Variants in MAML2 observed in about 807,000 individuals in gnomAD.
MAML2 encodes mastermind like transcriptional coactivator 2, also known as mastermind-like protein 2.
Under a neutral mutation model 96.1 loss-of-function variants are expected in MAML2, and 22 were observed. That is an observed-to-expected ratio of 0.23 (90% confidence interval 0.16 to 0.33). MAML2 has a LOEUF of 0.33. Among genes scored for constraint, MAML2 ranks in the 10% least tolerant of loss-of-function variants. The pLI is 1.00. For missense variants in MAML2, 1,367 were observed against 1,392.4 expected, an observed-to-expected ratio of 0.98 and a Z score of 0.29; for synonymous variants, 561 against 521.3, an observed-to-expected ratio of 1.08 and a Z score of -1.04.
chr11:96,276,617 A>C (rs761982107), intron 1 of MAML2, among the ~76,000 whole-genome samples: 7 of 152,158 alleles, frequency 4.6e-5, no homozygotes, highest in Non-Finnish European at 4.4e-5. Flanking sequence ...GAGGCAGAGC[A>C]TAAGAACTAG....
At chr11:96,101,395 G>C (rs1859928222) in intron 1 of MAML2, among the ~76,000 whole-genome samples, 1 of 152,200 alleles carries the variant, frequency 6.6e-6, no homozygotes, top group Admixed American at 6.5e-5. Flanking sequence ...CAACAAAATA[G>C]TCATTGAGGA....
chr11:96,231,374 TTG>T (rs1450635392), intron 1 of MAML2, among the ~76,000 whole-genome samples: 2 of 152,208 alleles, frequency 1.3e-5, no homozygotes, highest in Non-Finnish European at 2.9e-5. Context: ...CTAAATATGC[TTG>T]TTTCATAAAT....
intron 1 of MAML2, among the ~76,000 whole-genome samples, chr11:96,257,224 G>A (rs1862680504): frequency 6.6e-6 from 1 of 152,218 alleles, no homozygotes; most frequent in Non-Finnish European, 1.5e-5. Context: ...ACTCCATGAA[G>A]CAAGAGATAA....
intron 1 of MAML2, among the ~76,000 whole-genome samples, chr11:96,299,058 A>ATAT (rs61036575): frequency 0.17 from 9,743 of 56,502 alleles, 498 homozygotes; most frequent in East Asian, 0.26. Context: ...AAAAAAAAAA[A>ATAT]AAATATATAT....
intron 1 of MAML2, among the ~76,000 whole-genome samples, chr11:96,133,554 A>G (rs1860579467): frequency 6.6e-6 from 1 of 152,210 alleles, no homozygotes; most frequent in Non-Finnish European, 1.5e-5. Flanking sequence ...GACTTGGCAG[A>G]AAAACAGTTT....
chr11:95,998,596 G>A (rs1858035039), intron 2 of MAML2, among the ~76,000 whole-genome samples: 1 of 152,076 alleles, frequency 6.6e-6, no homozygotes. Context: ...TATTAGGAGG[G>A]TAACAAAGTT....
intron 1 of MAML2, among the ~76,000 whole-genome samples, chr11:96,107,506 C>T (rs1243874361): frequency 6.6e-6 from 1 of 152,196 alleles, no homozygotes; most frequent in African/African-American, 2.4e-5. Context: ...TTGCTCTCTG[C>T]CCCTGGGTCC....
At position 96,102,739 on chromosome 11, in the gene MAML2, T is replaced by A. The variant is rs149788552; in HGVS notation, c.514-9222A>T. The stretch of plus-strand genomic sequence containing the variant: ...CTATATCCTTAGTCATCCTGACTAG[T>A]TACTGCAATTGTTATAAAGCAAGGA... On this transcript the variant is annotated intron_variant, in intron 1 of 4. Transcript: ENST00000524717. Among the ~76,000 whole-genome samples the A allele has an allele frequency of 9.7e-3, 1,484 of 152,282 alleles. 16 individuals carry two copies. The highest frequency in any genetic ancestry group is 0.039 in the South Asian group (186 of 4,818).
chr11:96,223,959 T>C (rs1862176802), intron 1 of MAML2, among the ~76,000 whole-genome samples: 1 of 152,248 alleles, frequency 6.6e-6, no homozygotes, highest in South Asian at 2.1e-4. Context: ...TGACAATCTA[T>C]GTGTATGATT....
intron 2 of MAML2, among the ~76,000 whole-genome samples, chr11:96,062,640 T>C (rs1359881904): frequency 6.6e-6 from 1 of 152,184 alleles, no homozygotes; most frequent in Non-Finnish European, 1.5e-5. Context: ...CCTGCTAATT[T>C]TACCTCTTAG....
chr11:96,077,983 C>G (rs1590998343), intron 2 of MAML2, among the ~76,000 whole-genome samples: 1 of 152,302 alleles, frequency 6.6e-6, no homozygotes, highest in East Asian at 1.9e-4. Flanking sequence ...CCCAGGTGTT[C>G]TTCTGGCCAG....
chr11:96,210,570 G>C (rs516914), intron 1 of MAML2, among the ~76,000 whole-genome samples: 2,260 of 152,270 alleles, frequency 0.015, 28 homozygotes, highest in Middle Eastern at 0.027. Context: ...TCTAAAACTT[G>C]TTAAGTCCTC....
chr11:96,183,084 A>G (rs1861513854), intron 1 of MAML2, among the ~76,000 whole-genome samples: 1 of 151,310 alleles, frequency 6.6e-6, no homozygotes, highest in Non-Finnish European at 1.5e-5. Flanking sequence ...CAGCCTCCCA[A>G]GTAGCTGGGA....
At chr11:95,988,427 T>C (rs1435745780) in intron 3 of MAML2, among the ~76,000 whole-genome samples, 1 of 151,230 alleles carries the variant, frequency 6.6e-6, no homozygotes, top group African/African-American at 2.4e-5. Flanking sequence ...CCCAGCTAAT[T>C]TTGTATTTTT....
chr11:96,194,937 T>C (rs1054609682), intron 1 of MAML2, among the ~76,000 whole-genome samples: 3 of 151,880 alleles, frequency 2.0e-5, no homozygotes, highest in Non-Finnish European at 2.9e-5. Context: ...TTAATGACAA[T>C]AGATACCATT....
chr11:96,213,441 A>G (rs1862000229), intron 1 of MAML2, among the ~76,000 whole-genome samples: 1 of 152,248 alleles, frequency 6.6e-6, no homozygotes, highest in African/African-American at 2.4e-5. Context: ...ACTAACCTTG[A>G]GACCAAATTT....
chr11:96,341,487 G>C lies in MAML2; in HGVS notation c.409C>G (p.His137Asp). Residue 137 changes from histidine to aspartate, a missense_variant, in exon 1 of 5, where the codon CAC becomes GAC. Coordinates refer to ENST00000524717, the MANE Select transcript of MAML2 (RefSeq NM_032427.4). Reference sequence around the variant, plus strand: ...CCATTATTGCTACTGTTCAGCAGGTGCTGCTGGTGGTGATGGTGATAGTCT... The same window carrying C: ...CCATTATTGCTACTGTTCAGCAGGTCCTGCTGGTGGTGATGGTGATAGTCT... ...PPDYHHHHQQ[H>D]LLNSSNNGGS... The C allele has an allele frequency of 6.4e-7, 1 of 1,551,652 alleles. No individual in the cohort carries two copies. Among genetic ancestry groups the C allele is most frequent in the African/African-American group, 1.4e-5 (1 of 73,138 alleles).
At chr11:96,026,873 C>CAAATAAAT (rs72031056) in intron 2 of MAML2, among the ~76,000 whole-genome samples, 1,564 of 147,658 alleles carry the variant, frequency 0.011, 16 homozygotes, top group Non-Finnish European at 0.014. Flanking sequence ...AGCATCCTGG[C>CAAATAAAT]AAATAAATAA....
At chr11:96,093,578 A>C in intron 1 of MAML2, 61 bp from the exon 2 acceptor site, 49 of 1,157,452 alleles carry the variant, frequency 4.2e-5, no homozygotes, top group Non-Finnish European at 5.6e-5. Context: ...GATGCTTCTC[A>C]TAAAAAGTGA....
Sources: gnomAD v4.1 joint callset for allele counts (sites outside exome capture counted in the v4.1 genomes callset) on GRCh38, gnomAD v4.1.1 for gene constraint, MANE v1.5 for transcripts, NCBI Gene and HGNC (gene_info 2026-07-23, HGNC 2026-07-21) for gene names.